The following SETBP1 variants were observed in gnomAD, a reference collection of about 807,000 sequenced individuals.
SETBP1 encodes SET-binding protein.
A neutral mutation model predicts 101.0 loss-of-function variants in SETBP1; 9 were observed. The ratio of observed to expected loss-of-function variants is 0.09; its 90% CI spans 0.05 to 0.16. The LOEUF (loss-of-function observed/expected upper bound fraction) is 0.16, where lower values mean the gene tolerates loss of function less well. Ranked by LOEUF, SETBP1 falls within the 10% of genes least tolerant of loss-of-function variation. SETBP1 has a pLI of 1.00. For missense variants in SETBP1, 1,858 were observed against 2,033.8 expected (o/e 0.91, Z 1.66); for synonymous variants, 818 against 788.5 (o/e 1.04, Z -0.63).
At chr18:44,703,292 T>A (rs1292496503) in intron 2 of SETBP1, among the ~76,000 whole-genome samples, 1 of 147,654 alleles carries the variant, frequency 6.8e-6, no homozygotes, top group Non-Finnish European at 1.5e-5. Flanking sequence ...CACAAATGAA[T>A]GAACTTCTTT....
chr18:44,888,560 A>G (rs1211353143), intron 3 of SETBP1, among the ~76,000 whole-genome samples: 1 of 152,166 alleles, frequency 6.6e-6, no homozygotes. Context: ...TGCTTTTATT[A>G]AAACTGTCAC....
intron 5 of SETBP1, among the ~76,000 whole-genome samples, chr18:45,053,276 A>G (rs966987099): frequency 2.6e-5 from 4 of 152,222 alleles, no homozygotes; most frequent in Admixed American, 2.0e-4. Flanking sequence ...AAAATCTCAG[A>G]TCAACTTTAG....
intron 2 of SETBP1, among the ~76,000 whole-genome samples, chr18:44,738,571 C>G (rs570212553): frequency 6.6e-5 from 10 of 152,244 alleles, no homozygotes; most frequent in South Asian, 2.1e-4. Flanking sequence ...GTTAGGAGTT[C>G]AAGACCAGCC....
chr18:45,048,490 T>C (rs887351607), intron 5 of SETBP1, among the ~76,000 whole-genome samples: 2 of 152,212 alleles, frequency 1.3e-5, no homozygotes, highest in Non-Finnish European at 2.9e-5. Context: ...GAAAATGATA[T>C]GTATCCTCAC....
intron 1 of SETBP1, among the ~76,000 whole-genome samples, chr18:44,690,353 G>A (rs1445626765): frequency 1.3e-5 from 2 of 152,190 alleles, no homozygotes; most frequent in East Asian, 1.9e-4. Flanking sequence ...AAACATATAC[G>A]TGCCAGATTA....
In SETBP1 at chr18:44,953,302, G is replaced by A. The variant is rs149638556; in HGVS notation, c.3962G>A (p.Arg1321His). 795 of 1,613,994 alleles carry A rather than the reference G, an allele frequency of 4.9e-4. 1 individual carries two copies. The highest frequency in any genetic ancestry group is 2.0e-3 in the Admixed American group (121 of 60,028). The change falls in exon 4 of 6, where the codon CGC becomes CAC. Residue 1321 changes from arginine to histidine, a missense_variant. Around this residue, in one of 12 missense-constraint regions of SETBP1, gnomAD observed 417 missense variants for 389.1 expected, o/e 1.07. Coordinates refer to ENST00000649279, the MANE Select transcript of SETBP1 (RefSeq NM_015559.3). ...EKDIQAFKMNRKERSSYDSSM... is the reference protein window; with the variant it reads ...EKDIQAFKMNHKERSSYDSSM... ...GACATCCAAGCCTTCAAGATGAACC[G>A]CAAGGAGAGAAGTTCTTATGACTCC...
intron 3 of SETBP1, among the ~76,000 whole-genome samples, chr18:44,921,881 T>C (rs1356053556): frequency 1.3e-5 from 2 of 152,096 alleles, no homozygotes; most frequent in East Asian, 3.9e-4. Context: ...ACACAGCAAA[T>C]GGCTTTCCAG....
intron 4 of SETBP1, among the ~76,000 whole-genome samples, chr18:45,035,496 T>C (rs1203269057): frequency 6.6e-6 from 1 of 152,188 alleles, no homozygotes; most frequent in Non-Finnish European, 1.5e-5. Flanking sequence ...AGAGATCTGA[T>C]TGGATCAACT....
intron 2 of SETBP1, among the ~76,000 whole-genome samples, chr18:44,794,456 A>G (rs1282715655): frequency 6.6e-6 from 1 of 152,186 alleles, no homozygotes; most frequent in Non-Finnish European, 1.5e-5. Context: ...CCAGGAAGAT[A>G]TGGTCGTGTA....
At chr18:45,020,293 A>AAAAAAAAAAAAAAAG (rs1568032212) in intron 4 of SETBP1, among the ~76,000 whole-genome samples, 3 of 133,906 alleles carry the variant, frequency 2.2e-5, no homozygotes, top group African/African-American at 8.8e-5. Flanking sequence ...AAAAAAAAAA[A>AAAAAAAAAAAAAAAG]AAGTGGCTTC....
In SETBP1 at chr18:44,737,093, G is replaced by A. The variant is rs532263529; in HGVS notation, c.486+35261G>A. On this transcript the variant is annotated intron_variant, in intron 2 of 5. Transcript: ENST00000649279. ...ATATTGAGGTCTAAAAGCTCAGGAT[G>A]AGAAAGAGAGGCAAATTCAGTTGCA... Among the ~76,000 whole-genome samples the A allele has an allele frequency of 4.6e-5, 7 of 152,344 alleles. No homozygotes were observed. The East Asian group carries it at 5.8e-4, about 13-fold the overall frequency.
At chr18:45,038,732 G>T in intron 5 of SETBP1, 77 bp downstream of exon 5, 1 of 1,482,764 alleles carries the variant, frequency 6.7e-7, no homozygotes, top group Middle Eastern at 2.3e-4. Context: ...ATGGCCTGTT[G>T]AATACAGGTA....
chr18:44,809,991 G>A (rs1396325327), intron 2 of SETBP1, among the ~76,000 whole-genome samples: 1 of 152,196 alleles, frequency 6.6e-6, no homozygotes, highest in African/African-American at 2.4e-5. Context: ...ATTGTCCTTA[G>A]GGCCTCCCTG....
chr18:44,914,141 CTT>C (rs1404971077), intron 3 of SETBP1, among the ~76,000 whole-genome samples: 2 of 152,196 alleles, frequency 1.3e-5, no homozygotes, highest in Admixed American at 1.3e-4. Flanking sequence ...CTTTCATACT[CTT>C]TGTGTGTGTT....
intron 3 of SETBP1, chr18:44,870,169 A>C (rs2069240884): frequency 6.6e-6 from 1 of 152,248 alleles, no homozygotes; most frequent in South Asian, 2.1e-4. Flanking sequence ...CCAGGGGTCG[A>C]GCAAATATGT....
At position 44,782,264 on chromosome 18, in the gene SETBP1, C is replaced by T. The variant is rs138033290; in HGVS notation, c.486+80432C>T. On this transcript the variant is annotated intron_variant, in intron 2 of 5. Coordinates refer to ENST00000649279, the MANE Select transcript of SETBP1 (RefSeq NM_015559.3). ...AAAGGAAAAACAAGATCTGAACTTTCACACCCTGATAAGGATTTCCTGGTA... is the reference window on the plus strand; with the variant it reads ...AAAGGAAAAACAAGATCTGAACTTTTACACCCTGATAAGGATTTCCTGGTA... 1.7e-3 allele frequency among the ~76,000 whole-genome samples: 266 copies of T among 152,028 alleles called. 1 individual carries two copies. The highest frequency in any genetic ancestry group is 6.4e-3 in the African/African-American group (264 of 41,478).
At chr18:45,040,461 C>T (rs1040506420) in intron 5 of SETBP1, among the ~76,000 whole-genome samples, 1 of 152,122 alleles carries the variant, frequency 6.6e-6, no homozygotes, top group African/African-American at 2.4e-5. Flanking sequence ...ATTGTCTGCA[C>T]CCACCCAGAT....
rs542475036 is a variant in SETBP1, at chr18:44,802,593, T to C, written c.487-66637T>C. On this transcript the variant is annotated intron_variant, in intron 2 of 5. Coordinates refer to ENST00000649279, the MANE Select transcript of SETBP1 (RefSeq NM_015559.3). ...TATCTTCCTTCCTCAGCATTCATCT[T>C]GAGCCCATGTATCTATTCCTTGTCC... Among the ~76,000 whole-genome samples the C allele has an allele frequency of 5.3e-5, 8 of 152,284 alleles. No individual in the cohort carries two copies. The South Asian group carries it at 1.7e-3, about 32-fold the overall frequency.
intron 3 of SETBP1, among the ~76,000 whole-genome samples, chr18:44,923,081 G>T (rs1364908310): frequency 6.6e-6 from 1 of 152,180 alleles, no homozygotes; most frequent in Non-Finnish European, 1.5e-5. Context: ...AAGAAGGATG[G>T]TGTCATGATA....
Sources: allele counts gnomAD v4.1 joint callset (sites outside exome capture counted in the v4.1 genomes callset), GRCh38; gene constraint gnomAD v4.1.1; regional missense constraint gnomAD v4.1.1; transcripts MANE v1.5; gene names NCBI Gene and HGNC (gene_info 2026-07-23, HGNC 2026-07-21).